INPP1: variants seen among roughly 807,000 people sequenced by gnomAD.
The protein encoded by INPP1 is inositol polyphosphate-1-phosphatase, also known as inositol polyphosphate 1-phosphatase.
INPP1 carries 18 observed loss-of-function variants against 23.0 expected under a neutral mutation model. The ratio of observed to expected loss-of-function variants is 0.78; its 90% CI spans 0.54 to 1.16. The LOEUF (loss-of-function observed/expected upper bound fraction) is 1.16. Among genes scored for constraint, INPP1 ranks in the 50% most tolerant of loss-of-function variants. The pLI, the probability that INPP1 is intolerant of heterozygous loss-of-function variation, is 0.00. For synonymous variants in INPP1, 164 were observed against 176.3 expected (o/e 0.93, Z 0.55); for missense variants, 448 against 482.1 (o/e 0.93, Z 0.66).
At chr2:190,362,015 C>T (rs1279103308) in intron 3 of INPP1, among the ~76,000 whole-genome samples, 2 of 152,162 alleles carry the variant, frequency 1.3e-5, no homozygotes, top group East Asian at 1.9e-4. Context: ...ACAGAGATGA[C>T]AGAAGATTCT....
At chr2:190,366,483 CTG>C (rs1214677268) in intron 4 of INPP1, among the ~76,000 whole-genome samples, 15 of 151,804 alleles carry the variant, frequency 9.9e-5, no homozygotes, top group Admixed American at 2.0e-4. Flanking sequence ...CGCTCTTTTG[CTG>C]TGTCTCTCGC....
rs1575792635 is a variant in INPP1 at position 190,367,021 on chromosome 2, T to G, written c.466+126T>G. On this transcript the variant is annotated intron_variant, in intron 5 of 6. Coordinates refer to ENST00000392329, the MANE Select transcript of INPP1 (RefSeq NM_001128928.2). The surrounding 1 kb of genome is among the most constrained non-coding windows in gnomAD (Gnocchi z 4.1). ...AACTCTGCTAGAAGTTTTTAAAATT[T>G]TAAAGTTTTAAAACAATGAGAGTTG... The G allele has an allele frequency of 6.0e-5, 38 of 635,658 alleles. No homozygotes were observed. In the East Asian group the frequency reaches 1.0e-3, roughly 17 times the overall value. 39.4% of individuals were successfully genotyped at this position (635,658 alleles called of 1,614,324 possible). A position where few individuals can be genotyped will look rare whatever the true frequency, so the allele number is the denominator to read the frequency against.
intron 2 of INPP1, among the ~76,000 whole-genome samples, chr2:190,350,231 T>G (rs1689299898): frequency 6.6e-6 from 1 of 152,258 alleles, no homozygotes; most frequent in Admixed American, 6.5e-5. Context: ...CTTTATAAAA[T>G]TGTTACGTTA....
In INPP1 at chr2:190,360,575, C is replaced by T. The variant is rs550067678; in HGVS notation, c.204+269C>T. On this transcript the variant is annotated intron_variant, in intron 3 of 6. Transcript: ENST00000392329. The stretch of plus-strand genomic sequence containing the variant: ...TAGAAATAAACACTTCAGTATAGAA[C>T]CTTCCACTTACTAATGAATTTCTTC... 2.6e-5 allele frequency among the ~76,000 whole-genome samples: 4 copies of T among 152,298 alleles called. No individual in the cohort carries two copies. The South Asian group carries it at 8.3e-4, about 32-fold the overall frequency.
At chr2:190,362,435 A>C (rs187568045) in intron 3 of INPP1, among the ~76,000 whole-genome samples, 192 bp from the exon 4 acceptor site, 1 of 152,214 alleles carries the variant, frequency 6.6e-6, no homozygotes, top group African/African-American at 2.4e-5. Context: ...GAACAGAAAA[A>C]TATTAGAAAA....
rs760267626 is a variant in INPP1 at position 190,371,167 on chromosome 2, C to G, written c.965C>G (p.Ala322Gly). 5.6e-6 allele frequency: 9 copies of G among 1,614,014 alleles called. No homozygotes were observed. In the African/African-American group the frequency reaches 8.0e-5, roughly 14 times the overall value. The change falls in exon 7 of 7, where the codon GCC (alanine) becomes GGC (glycine). Residue 322 changes from alanine (A) to glycine (G), a missense_variant. Physicochemically the swap from Ala to Gly is moderately conservative, Grantham distance 60 (BLOSUM62 0). Coordinates refer to ENST00000392329, the MANE Select transcript of INPP1 (RefSeq NM_001128928.2). The surrounding 1 kb of genome is among the most constrained non-coding windows in gnomAD (Gnocchi z 5.3). ...AAATGGGACTCTTGTGCTGCTCATGCCATACTGAGGGCCATGGGTGGGGGA... is the reference window on the plus strand; with the variant it reads ...AAATGGGACTCTTGTGCTGCTCATGGCATACTGAGGGCCATGGGTGGGGGA... ...TFKWDSCAAHAILRAMGGGIV... is the reference protein window; with the variant it reads ...TFKWDSCAAHGILRAMGGGIV...
chr2:190,360,430 C>A, intron 3 of INPP1, 124 bp downstream of exon 3: 1 of 716,114 alleles, frequency 1.4e-6, no homozygotes, highest in Non-Finnish European at 2.3e-6. Context: ...TTCAAGTAAA[C>A]ATCTTGGATT....
Position 190,352,965 on chromosome 2 carries a change from G to T in INPP1, c.-65+3934G>T, listed in dbSNP as rs185770729. 6.7e-3 allele frequency among the ~76,000 whole-genome samples: 1,024 copies of T among 152,306 alleles called. 11 individuals are homozygous for T. The highest frequency in any genetic ancestry group is 0.023 in the African/African-American group (973 of 41,568). On this transcript the variant is annotated intron_variant, in intron 2 of 6. Coordinates refer to ENST00000392329, the MANE Select transcript of INPP1 (RefSeq NM_001128928.2). This position sits in a 1 kb window ranked among gnomAD's most constrained non-coding sequence, Gnocchi z 4.7. ...GCCAGAATTCAGGATGTGAACCGTG[G>T]GGGTGGGGTGGAGTCAATGCGCAAT...
At position 190,346,509 on chromosome 2, in the gene INPP1, T is replaced by G. The variant is rs544316314; in HGVS notation, c.-208-2379T>G. On this transcript the variant is annotated intron_variant, in intron 1 of 6. Transcript: ENST00000392329. This position sits in a 1 kb window ranked among gnomAD's most constrained non-coding sequence, Gnocchi z 5.1. Reference sequence around the variant, plus strand: ...ATGTGGTATGTAATGTTAATTCAATTTCTTGAATGTGATAAGAGCATTTTA... The same window carrying G: ...ATGTGGTATGTAATGTTAATTCAATGTCTTGAATGTGATAAGAGCATTTTA... 2.3e-3 allele frequency among the ~76,000 whole-genome samples: 351 copies of G among 152,344 alleles called. 1 individual carries two copies. Among genetic ancestry groups the G allele is most frequent in the Admixed American group, 5.3e-3 (81 of 15,310 alleles).
At position 190,356,059 on chromosome 2, in the gene INPP1, T is replaced by C. The variant is rs925746560; in HGVS notation, c.-64-3980T>C. Among the ~76,000 whole-genome samples, 11 of 152,242 alleles carry C rather than the reference T, an allele frequency of 7.2e-5. No homozygotes were observed. Among genetic ancestry groups the C allele is most frequent in the African/African-American group, 2.2e-4 (9 of 41,454 alleles). On this transcript the variant is annotated intron_variant, in intron 2 of 6. Coordinates refer to ENST00000392329, the MANE Select transcript of INPP1 (RefSeq NM_001128928.2). The surrounding 1 kb of genome is among the most constrained non-coding windows in gnomAD (Gnocchi z 6.4). ...CTTCAGTTTCTCCATAGACAAATTA[T>C]TTCAAGTTGAGCCATTCAAGGTTAG...
chr2:190,347,733 A>G (rs966545119), intron 1 of INPP1, among the ~76,000 whole-genome samples: 1 of 152,244 alleles, frequency 6.6e-6, no homozygotes, highest in Non-Finnish European at 1.5e-5. Context: ...GTAATAATTC[A>G]TATCAAAGGA....
chr2:190,360,121 G>C lies in INPP1; in HGVS notation c.19G>C (p.Glu7Gln). Reference protein sequence around the residue: MSDILRELLCVSEKAAN... With the variant: MSDILRQLLCVSEKAAN... ...TTCAGAAATGTCAGATATCCTCCGG[G>C]AGCTGCTCTGTGTCTCTGAGAAGGC... The change falls in exon 3 of 7, where the codon GAG (glutamate) becomes CAG (glutamine). Residue 7 changes from glutamate to glutamine, a missense_variant. Transcript: ENST00000392329. 1 of 1,613,384 alleles carries C rather than the reference G, an allele frequency of 6.2e-7. No individual in the cohort carries two copies. Among genetic ancestry groups the C allele is most frequent in the African/African-American group, 1.3e-5 (1 of 75,012 alleles).
intron 4 of INPP1, among the ~76,000 whole-genome samples, chr2:190,364,372 T>C (rs1027402370): frequency 6.6e-6 from 1 of 151,690 alleles, no homozygotes; most frequent in Non-Finnish European, 1.5e-5. Flanking sequence ...ACCCCGTCTC[T>C]ACTTAAAAAA....
Position 190,366,872 on chromosome 2 carries a change from T to TG in INPP1, c.446dup (p.Ile150AsnfsTer18), listed in dbSNP as rs779557122. On this transcript the variant is annotated frameshift_variant, in exon 5 of 7. Transcript: ENST00000392329. LOFTEE classifies it high-confidence loss of function. ...GAGATCAATGTTCCACAGGACATTTTGGGAATTTGGGTGGACCCCATAGGT... is the reference window on the plus strand; with the variant it reads ...GAGATCAATGTTCCACAGGACATTTTGGGGAATTTGGGTGGACCCCATAGGT... 1 of 1,613,244 alleles carries TG rather than the reference T, an allele frequency of 6.2e-7. No homozygotes were observed. Among genetic ancestry groups the TG allele is most frequent in the Non-Finnish European group, 8.5e-7 (1 of 1,179,140 alleles).
chr2:190,370,433 AT>A (rs1689777885), intron 6 of INPP1, among the ~76,000 whole-genome samples: 1 of 152,244 alleles, frequency 6.6e-6, no homozygotes, highest in Non-Finnish European at 1.5e-5. Flanking sequence ...GAGTTACCAA[AT>A]AAAGAAAAAC....
chr2:190,366,495 C>G (rs1393830271), intron 4 of INPP1, among the ~76,000 whole-genome samples, 200 bp from the exon 5 acceptor site: 3 of 151,778 alleles, frequency 2.0e-5, no homozygotes, highest in Non-Finnish European at 4.4e-5. Flanking sequence ...GTGTCTCTCG[C>G]TCTCTCTGTG....
At position 190,363,901 on chromosome 2, in the gene INPP1, G is replaced by A. The variant is rs1244742546; in HGVS notation, c.265+1214G>A. ...GCAGAGAAATGTGGAGAGAGGAAGA[G>A]GAGAGATGGTGATGATGATATTGCA... is the stretch of plus-strand genomic sequence containing the variant. On this transcript the variant is annotated intron_variant, in intron 4 of 6. Coordinates refer to ENST00000392329, the MANE Select transcript of INPP1 (RefSeq NM_001128928.2). The surrounding 1 kb of genome is among the most constrained non-coding windows in gnomAD (Gnocchi z 4.4). Among the ~76,000 whole-genome samples, 1 of 152,186 alleles carries A rather than the reference G, an allele frequency of 6.6e-6. No individual in the cohort carries two copies. Among genetic ancestry groups the A allele is most frequent in the Non-Finnish European group, 1.5e-5 (1 of 68,030 alleles).
chr2:190,355,319 A>T lies in INPP1; in HGVS notation c.-64-4720A>T, dbSNP rs1689401856. Among the ~76,000 whole-genome samples, 1 of 152,222 alleles carries T rather than the reference A, an allele frequency of 6.6e-6. No individual in the cohort carries two copies. Among genetic ancestry groups the T allele is most frequent in the Non-Finnish European group, 1.5e-5 (1 of 68,032 alleles). Reference sequence around the variant, plus strand: ...AGTAAATGTTAGCTGTTTCAATTTTAACCTATCTCTGCACAAGAATAACAG... The same window carrying T: ...AGTAAATGTTAGCTGTTTCAATTTTTACCTATCTCTGCACAAGAATAACAG... On this transcript the variant is annotated intron_variant, in intron 2 of 6. Coordinates refer to ENST00000392329, the MANE Select transcript of INPP1 (RefSeq NM_001128928.2). This position sits in a 1 kb window ranked among gnomAD's most constrained non-coding sequence, Gnocchi z 5.1.
chr2:190,358,418 A>G (rs1463388582), intron 2 of INPP1, among the ~76,000 whole-genome samples: 2 of 152,132 alleles, frequency 1.3e-5, no homozygotes. Flanking sequence ...GGGTTTCACC[A>G]TGTTAGCCAG....
Sources: allele counts gnomAD v4.1 joint callset (sites outside exome capture counted in the v4.1 genomes callset), GRCh38; gene constraint gnomAD v4.1.1; non-coding constraint Gnocchi (gnomAD v3.1); transcripts MANE v1.5; gene names NCBI Gene and HGNC (gene_info 2026-07-23, HGNC 2026-07-21).